CPSF6: variants seen among roughly 807,000 people sequenced by gnomAD.
The protein encoded by CPSF6 is cleavage and polyadenylation specificity factor subunit 6.
In CPSF6, 10 loss-of-function variants were observed where a neutral mutation model predicts 56.7. That is an observed-to-expected ratio of 0.18 (90% confidence interval 0.11 to 0.30). CPSF6 has a LOEUF of 0.30. CPSF6 is among the 10% of genes least tolerant of loss of function. CPSF6 has a pLI of 1.00. For synonymous variants in CPSF6, 248 were observed against 244.8 expected (o/e 1.01, Z -0.12); for missense variants, 419 against 722.9 (o/e 0.58, Z 4.82).
chr12:69,262,004 TAA>T (rs1411914502), intron 8 of CPSF6, among the ~76,000 whole-genome samples: 10 of 152,260 alleles, frequency 6.6e-5, no homozygotes, highest in Admixed American at 6.5e-4. Context: ...CTTTTATATC[TAA>T]AAAAACCATA....
intron 1 of CPSF6, among the ~76,000 whole-genome samples, chr12:69,245,577 C>T (rs986136617): frequency 6.6e-6 from 1 of 152,078 alleles, no homozygotes; most frequent in Non-Finnish European, 1.5e-5. Flanking sequence ...ATTGTAGTTA[C>T]CATTCTTTTA....
At chr12:69,239,854 C>A (rs981504020) in intron 1 of CPSF6, 148 bp downstream of exon 1, 2 of 624,406 alleles carry the variant, frequency 3.2e-6, no homozygotes, top group Non-Finnish European at 4.5e-6. Context: ...CCTGGCGTGG[C>A]GCCCCCCCGC....
At chr12:69,267,887 G>A (rs895015623) in intron 9 of CPSF6, among the ~76,000 whole-genome samples, 3 of 151,794 alleles carry the variant, frequency 2.0e-5, no homozygotes, top group Middle Eastern at 3.2e-3. Flanking sequence ...TATAAAAATA[G>A]TATAATTCTC....
chr12:69,252,391 T>C (rs553097897), intron 2 of CPSF6, among the ~76,000 whole-genome samples: 11 of 152,312 alleles, frequency 7.2e-5, no homozygotes, highest in African/African-American at 2.6e-4. Flanking sequence ...CTTTTAAAAC[T>C]AAATGTAACA....
chr12:69,242,317 C>T (rs1565641143), intron 1 of CPSF6, among the ~76,000 whole-genome samples: 1 of 152,024 alleles, frequency 6.6e-6, no homozygotes, highest in Admixed American at 6.6e-5. Flanking sequence ...CTGTATCCTG[C>T]TGAGTCTTCT....
rs1425200554 is a variant in CPSF6 at position 69,271,208 on chromosome 12, AT to A, written c.*1706del. 3 of 152,176 alleles carry A rather than the reference AT, an allele frequency of 2.0e-5. No individual in the cohort carries two copies. In the South Asian group the frequency reaches 6.2e-4, roughly 31 times the overall value. The allele number at this position is 152,176 out of a possible 1,614,324, so 9.4% of individuals were successfully genotyped here. A position where few individuals can be genotyped will look rare whatever the true frequency, so the allele number is the denominator to read the frequency against. ...TCAGAACTGTTCACTTTCAGAAATGATTTTTTAAAGCATTTTGTTGAAAATG... is the reference window on the plus strand; with the variant it reads ...TCAGAACTGTTCACTTTCAGAAATGATTTTTAAAGCATTTTGTTGAAAATG... On this transcript the variant is annotated 3_prime_UTR_variant, in exon 10 of 10. Transcript: ENST00000435070.
chr12:69,257,971 C>G, intron 5 of CPSF6, 66 bp downstream of exon 5: 1 of 1,576,528 alleles, frequency 6.3e-7, no homozygotes, highest in South Asian at 1.1e-5. Context: ...CCTTTTCTCT[C>G]TTTTTCAAGT....
chr12:69,245,458 T>A (rs1026331), intron 1 of CPSF6, among the ~76,000 whole-genome samples: 1 of 151,988 alleles, frequency 6.6e-6, no homozygotes, highest in African/African-American at 2.4e-5. Flanking sequence ...CATAGTATAT[T>A]TAGGGTTCCT....
chr12:69,259,794 A>G (rs1001905756), intron 7 of CPSF6, among the ~76,000 whole-genome samples: 1 of 152,216 alleles, frequency 6.6e-6, no homozygotes, highest in Non-Finnish European at 1.5e-5. Flanking sequence ...CAGGGGCCTC[A>G]TGACACCTTA....
chr12:69,253,724 A>T (rs546937939), intron 3 of CPSF6, among the ~76,000 whole-genome samples: 1 of 152,268 alleles, frequency 6.6e-6, no homozygotes, highest in South Asian at 2.1e-4. Context: ...CATGTGTTTT[A>T]TATGTTTGAT....
chr12:69,243,509 C>T (rs1321478227), intron 1 of CPSF6, among the ~76,000 whole-genome samples: 1 of 152,174 alleles, frequency 6.6e-6, no homozygotes, highest in African/African-American at 2.4e-5. Flanking sequence ...TAGCCTGTTG[C>T]TCCTAGGCTA....
At chr12:69,257,539 A>G (rs972530840) in intron 4 of CPSF6, among the ~76,000 whole-genome samples, 193 bp from the exon 5 acceptor site, 3 of 152,226 alleles carry the variant, frequency 2.0e-5, no homozygotes, top group Admixed American at 6.5e-5. Flanking sequence ...TTAAACCTGG[A>G]TATTTTGAGT....
chr12:69,251,486 A>C, intron 2 of CPSF6, 148 bp downstream of exon 2: 1 of 531,430 alleles, frequency 1.9e-6, no homozygotes, highest in Non-Finnish European at 3.2e-6. Context: ...GGAAATACAA[A>C]TATCTTTGCA....
rs1315100003 is a variant in CPSF6, at chr12:69,270,048, T to TA, written c.*543dup. The TA allele has an allele frequency of 1.1e-4, 17 of 152,414 alleles. No individual in the cohort carries two copies. The highest frequency in any genetic ancestry group is 1.9e-4 in the Non-Finnish European group (13 of 67,740). 9.4% of individuals were successfully genotyped at this position (152,414 alleles called of 1,614,324 possible). ...CTATGACAACATTTTTACTGTCCTT[T>TA]AAAGCATTGCAATAGCGTTTTTGGA... On this transcript the variant is annotated 3_prime_UTR_variant, in exon 10 of 10. Transcript: ENST00000435070.
At position 69,270,698 on chromosome 12, in the gene CPSF6, A is replaced by G. The variant is rs182356859; in HGVS notation, c.*1190A>G. On this transcript the variant is annotated 3_prime_UTR_variant, in exon 10 of 10. Transcript: ENST00000435070. ...TTCATGCACCGTATTGATTCATGCT[A>G]TAGTTACTTAATCAAAGATTTTTTT... The G allele has an allele frequency of 8.6e-5, 13 of 151,826 alleles. No individual in the cohort carries two copies. Among genetic ancestry groups the G allele is most frequent in the Non-Finnish European group, 1.3e-4 (9 of 67,648 alleles). 9.4% of individuals were successfully genotyped at this position (151,826 alleles called of 1,614,324 possible). A position where few individuals can be genotyped will look rare whatever the true frequency, so the allele number is the denominator to read the frequency against.
At chr12:69,240,133 CCCGCCG>C (rs1268752747) in intron 1 of CPSF6, among the ~76,000 whole-genome samples, 1 of 151,212 alleles carries the variant, frequency 6.6e-6, no homozygotes, top group Non-Finnish European at 1.5e-5. Flanking sequence ...GGGGCGCGTG[CCCGCCG>C]CCGCCGCCCC....
At chr12:69,247,369 GTT>G (rs77776712) in intron 1 of CPSF6, among the ~76,000 whole-genome samples, 1 of 142,048 alleles carries the variant, frequency 7.0e-6, no homozygotes, top group African/African-American at 2.6e-5. Flanking sequence ...AAATTAGTGA[GTT>G]TTTTTTTTTT....
At chr12:69,256,887 C>T in intron 4 of CPSF6, 45 bp downstream of exon 4, 1 of 1,511,920 alleles carries the variant, frequency 6.6e-7, no homozygotes, top group Non-Finnish European at 9.0e-7. Context: ...TACATTTTAA[C>T]CAGTGCATTT....
Position 69,239,573 on chromosome 12 carries a change from G to A in CPSF6, c.-74G>A. The A allele has an allele frequency of 6.7e-7, 1 of 1,501,964 alleles. No homozygotes were observed. Among genetic ancestry groups the A allele is most frequent in the Non-Finnish European group, 8.9e-7 (1 of 1,124,134 alleles). The allele number at this position is 1,501,964 out of a possible 1,614,324, so 93.0% of individuals were successfully genotyped here. ...CGCAAGCGCCCCCCCACCGCCGCTA[G>A]ATCCGCTGCTGCTGCCGCGGCGGGC... On this transcript the variant is annotated 5_prime_UTR_variant, in exon 1 of 10. Coordinates refer to ENST00000435070, the MANE Select transcript of CPSF6 (RefSeq NM_007007.3).
Sources: gnomAD v4.1 joint callset for allele counts (sites outside exome capture counted in the v4.1 genomes callset) on GRCh38, gnomAD v4.1.1 for gene constraint, MANE v1.5 for transcripts, NCBI Gene and HGNC (gene_info 2026-07-23, HGNC 2026-07-21) for gene names.